The following TMEM184B variants were observed in gnomAD, a reference collection of about 807,000 sequenced individuals.
TMEM184B encodes putative MAPK-activating protein FM08.
TMEM184B carries 17 observed loss-of-function variants against 41.8 expected under a neutral mutation model. That is an observed-to-expected ratio of 0.41 (90% confidence interval 0.28 to 0.61). The LOEUF (loss-of-function observed/expected upper bound fraction) is 0.61. Among genes scored for constraint, TMEM184B ranks in the 20% least tolerant of loss-of-function variants. TMEM184B has a pLI of 0.34. For synonymous variants in TMEM184B, 240 were observed against 229.5 expected (o/e 1.05, Z -0.41); for missense variants, 393 against 557.8 (o/e 0.70, Z 2.98).
chr22:38,246,305 C>T (rs1297690537), intron 2 of TMEM184B, among the ~76,000 whole-genome samples: 1 of 152,204 alleles, frequency 6.6e-6, no homozygotes, highest in African/African-American at 2.4e-5. Context: ...CGGGCGTGCA[C>T]AAGGCTCGTG....
chr22:38,249,721 T>G (rs899736952), intron 1 of TMEM184B, among the ~76,000 whole-genome samples: 9 of 152,214 alleles, frequency 5.9e-5, no homozygotes, highest in African/African-American at 2.2e-4. Flanking sequence ...AGTCGATTTA[T>G]GGGATTTTGT....
chr22:38,264,024 C>T (rs1388532528), intron 1 of TMEM184B, among the ~76,000 whole-genome samples: 3 of 152,138 alleles, frequency 2.0e-5, no homozygotes, highest in African/African-American at 7.2e-5. Context: ...AGGCTGGTCT[C>T]GACCTCCTGA....
chr22:38,246,367 G>A (rs1411335447), intron 2 of TMEM184B, among the ~76,000 whole-genome samples: 2 of 152,216 alleles, frequency 1.3e-5, no homozygotes, highest in Non-Finnish European at 2.9e-5. Context: ...AGGTGGCAGT[G>A]AGCCCACACC....
rs2091196256 is a variant in TMEM184B, at chr22:38,219,331, C to A, written c.*2138G>T. 1 of 985,806 alleles carries A rather than the reference C, an allele frequency of 1.0e-6. No individual in the cohort carries two copies. The highest frequency in any genetic ancestry group is 5.2e-4 in the Middle Eastern group (1 of 1,914). 61.1% of individuals were successfully genotyped at this position (985,806 alleles called of 1,614,324 possible). A position where few individuals can be genotyped will look rare whatever the true frequency, so the allele number is the denominator to read the frequency against. ...TCTATATTATCTCATATATAGATTTCTTCCTCACTTTATTTGCTCACTTCT... is the reference window on the plus strand; with the variant it reads ...TCTATATTATCTCATATATAGATTTATTCCTCACTTTATTTGCTCACTTCT... On this transcript the variant is annotated 3_prime_UTR_variant, in exon 9 of 9. Coordinates refer to ENST00000361906, the MANE Select transcript of TMEM184B (RefSeq NM_012264.5).
chr22:38,250,657 A>T (rs190708669), intron 1 of TMEM184B, among the ~76,000 whole-genome samples: 62 of 152,240 alleles, frequency 4.1e-4, no homozygotes, highest in African/African-American at 1.4e-3. Flanking sequence ...AAGGAAGTAC[A>T]AATACGCTCA....
chr22:38,224,932 G>A lies in TMEM184B; in HGVS notation c.835C>T (p.His279Tyr), dbSNP rs1198674282. 2 of 1,604,006 alleles carry A rather than the reference G, an allele frequency of 1.2e-6. No homozygotes were observed. Among genetic ancestry groups the A allele is most frequent in the Non-Finnish European group, 1.7e-6 (2 of 1,175,108 alleles). ...LEKCGAIPKIHSARVSVGEGT... is the reference protein window; with the variant it reads ...LEKCGAIPKIYSARVSVGEGT... ...TCGCCCACCGACACGCGGGCCGAGT[G>A]GATTTTGGGGATGGCCCCACACTTC... Residue 279 changes from histidine to tyrosine, a missense_variant, in exon 8 of 9, where the codon CAC becomes TAC. His to Tyr is a moderately conservative substitution (Grantham distance 83). Transcript: ENST00000361906.
intron 1 of TMEM184B, among the ~76,000 whole-genome samples, chr22:38,260,774 C>T (rs2092358744): frequency 6.6e-6 from 1 of 152,216 alleles, no homozygotes; most frequent in South Asian, 2.1e-4. Flanking sequence ...ATGCTCCCAA[C>T]AGTCTCTGGG....
chr22:38,272,807 G>A (rs1292118123), intron 1 of TMEM184B, 77 bp downstream of exon 1: 7 of 848,824 alleles, frequency 8.2e-6, no homozygotes, highest in Non-Finnish European at 7.0e-6. Context: ...GGGCCTCTCC[G>A]AAACAAGCAG....
downstream of TMEM184B, chr22:38,216,565 T>A (rs1363689023): frequency 6.1e-6 from 1 of 164,318 alleles, no homozygotes; most frequent in African/African-American, 2.4e-5. Context: ...GGGGTTCTGC[T>A]TTCAACCCCT....
Position 38,226,984 on chromosome 22 carries a change from G to A in TMEM184B, c.526-114C>T. On this transcript the variant is annotated intron_variant, in intron 5 of 8. Coordinates refer to ENST00000361906, the MANE Select transcript of TMEM184B (RefSeq NM_012264.5). This position sits in a 1 kb window ranked among gnomAD's most constrained non-coding sequence, Gnocchi z 4.6. ...ATGGAGGGACAGAGAGGATGAAGGAGACGGAGAGGACGGAGGGATGGAGGG... is the reference window on the plus strand; with the variant it reads ...ATGGAGGGACAGAGAGGATGAAGGAAACGGAGAGGACGGAGGGATGGAGGG... 2.9e-6 allele frequency: 3 copies of A among 1,017,348 alleles called. No homozygotes were observed. The highest frequency in any genetic ancestry group is 4.4e-6 in the Non-Finnish European group (3 of 680,124). The allele number at this position is 1,017,348 out of a possible 1,614,324, so 63.0% of individuals were successfully genotyped here.
chr22:38,247,103 G>A (rs2145694100), intron 2 of TMEM184B, among the ~76,000 whole-genome samples: 1 of 152,296 alleles, frequency 6.6e-6, no homozygotes. Context: ...GGGGCCACAA[G>A]TACAGGCAGA....
intron 1 of TMEM184B, among the ~76,000 whole-genome samples, chr22:38,269,762 C>T (rs1261356903): frequency 6.6e-6 from 1 of 152,158 alleles, no homozygotes; most frequent in Non-Finnish European, 1.5e-5. Flanking sequence ...AGCAGTGGGG[C>T]AGACACCGTT....
At chr22:38,242,397 G>T (rs2091931914) in intron 3 of TMEM184B, among the ~76,000 whole-genome samples, 1 of 152,018 alleles carries the variant, frequency 6.6e-6, no homozygotes, top group Non-Finnish European at 1.5e-5. Flanking sequence ...AGAATTGCTT[G>T]AACCCAGGAG....
At chr22:38,240,821 C>T (rs1448680897) in intron 3 of TMEM184B, among the ~76,000 whole-genome samples, 1 of 147,116 alleles carries the variant, frequency 6.8e-6, no homozygotes, top group Non-Finnish European at 1.5e-5. Flanking sequence ...CCAGAAATTA[C>T]ATCAGAATCT....
chr22:38,216,626 A>C (rs2091153341), downstream of TMEM184B: 1 of 154,718 alleles, frequency 6.5e-6, no homozygotes, highest in Admixed American at 6.5e-5. Flanking sequence ...GCTATTGCAC[A>C]GGGTATGAGG....
At chr22:38,271,259 T>G (rs1004786470) in intron 1 of TMEM184B, among the ~76,000 whole-genome samples, 1 of 152,192 alleles carries the variant, frequency 6.6e-6, no homozygotes, top group Admixed American at 6.5e-5. Flanking sequence ...CAGACCGCTA[T>G]GCCCCAGCAT....
At chr22:38,270,643 C>T (rs1464682346) in intron 1 of TMEM184B, among the ~76,000 whole-genome samples, 1 of 152,138 alleles carries the variant, frequency 6.6e-6, no homozygotes. Context: ...TGGTGCAGAC[C>T]CCACACAGAG....
rs73409234 is a variant in TMEM184B at position 38,272,427 on chromosome 22, C to G, written c.-59+457G>C. 3,876 of 978,420 alleles carry G rather than the reference C, an allele frequency of 4.0e-3. 85 individuals are homozygous for G. The African/African-American group carries it at 0.055, about 14-fold the overall frequency. The allele number at this position is 978,420 out of a possible 1,614,324, so 60.6% of individuals were successfully genotyped here. A position where few individuals can be genotyped will look rare whatever the true frequency, so the allele number is the denominator to read the frequency against. On this transcript the variant is annotated intron_variant, in intron 1 of 8. Coordinates refer to ENST00000361906, the MANE Select transcript of TMEM184B (RefSeq NM_012264.5). ...ACACCCTCCACTCACGACGCAGCCC[C>G]GAAAGCCCCCCGCCGACCACCCTCC...
chr22:38,231,142 C>A, intron 4 of TMEM184B, 102 bp downstream of exon 4: 1 of 1,032,840 alleles, frequency 9.7e-7, no homozygotes, highest in Non-Finnish European at 1.5e-6. Flanking sequence ...GTCAAGGTCA[C>A]GGGCAGACAT....
Sources: allele counts gnomAD v4.1 joint callset (sites outside exome capture counted in the v4.1 genomes callset), GRCh38; gene constraint gnomAD v4.1.1; non-coding constraint Gnocchi (gnomAD v3.1); transcripts MANE v1.5; gene names NCBI Gene and HGNC (gene_info 2026-07-23, HGNC 2026-07-21).